TFAP2A: variants seen among roughly 807,000 people sequenced by gnomAD.
TFAP2A encodes transcription factor AP-2-alpha.
In TFAP2A, 7 loss-of-function variants were observed where a neutral mutation model predicts 41.5. The ratio of observed to expected loss-of-function variants is 0.17; its 90% CI spans 0.10 to 0.32. The LOEUF is 0.32. TFAP2A is among the 10% of genes least tolerant of loss of function. The pLI is 1.00. For missense variants in TFAP2A, 416 were observed against 563.3 expected (o/e 0.74, Z 2.65); for synonymous variants, 247 against 242.8 (o/e 1.02, Z -0.16).
intron 1 of TFAP2A, chr6:10,414,521 A>G (rs561422700): frequency 6.1e-5 from 20 of 329,346 alleles, no homozygotes; most frequent in East Asian, 5.3e-4. Flanking sequence ...TAAAGATCGG[A>G]GAGGAAGTTC....
At chr6:10,411,770 C>T in intron 1 of TFAP2A, 1 of 1,471,468 alleles carries the variant, frequency 6.8e-7, no homozygotes, top group Non-Finnish European at 9.0e-7. Context: ...CGGCTCGGAT[C>T]CATCCGAACT....
chr6:10,404,488 G>T lies in TFAP2A; in HGVS notation c.770+20C>A. The T allele has an allele frequency of 1.3e-6, 2 of 1,533,144 alleles. No homozygotes were observed. Among genetic ancestry groups the T allele is most frequent in the East Asian group, 5.0e-5 (2 of 39,716 alleles). The allele number at this position is 1,533,144 out of a possible 1,614,324, so 95.0% of individuals were successfully genotyped here. On this transcript the variant is annotated intron_variant, in intron 4 of 6. Coordinates refer to ENST00000379613, the MANE Select transcript of TFAP2A (RefSeq NM_001372066.1). ...CCCCCGGCCGCGGGGCGGGGCGGGC[G>T]GGGCCGTGCCGGGCCTCACCTCCGG...
chr6:10,398,629 G>A lies in TFAP2A; in HGVS notation c.1108C>T (p.Leu370=), dbSNP rs1189414319. The A allele has an allele frequency of 1.9e-6, 3 of 1,614,230 alleles. No homozygotes were observed. Among genetic ancestry groups the A allele is most frequent in the South Asian group, 1.1e-5 (1 of 91,084 alleles). The change falls in exon 7 of 7, where the codon CTG becomes TTG. Residue 370 remains leucine (L), a synonymous_variant. Transcript: ENST00000379613. This position sits in a 1 kb window ranked among gnomAD's most constrained non-coding sequence, Gnocchi z 5.3. ...PLGNSRPNPI[L]EPGIQSCLTH... is the part of the protein sequence containing the mutation. Reference sequence around the variant, plus strand: ...AAGCAGCTCTGGATGCCGGGCTCCAGGATGGGGTTGGGCCGTGAGTTCCCC... The same window carrying A: ...AAGCAGCTCTGGATGCCGGGCTCCAAGATGGGGTTGGGCCGTGAGTTCCCC...
chr6:10,408,641 T>C (rs1045516197), intron 2 of TFAP2A, among the ~76,000 whole-genome samples: 6 of 152,338 alleles, frequency 3.9e-5, no homozygotes, highest in Middle Eastern at 3.4e-3. Flanking sequence ...TATACAGACA[T>C]ACAGTGCTCA....
chr6:10,399,278 A>G (rs1048376302), intron 6 of TFAP2A, among the ~76,000 whole-genome samples: 2 of 152,210 alleles, frequency 1.3e-5, no homozygotes, highest in African/African-American at 4.8e-5. Flanking sequence ...AACAAGAATA[A>G]CAAAAAAACA....
At chr6:10,410,634 T>A (rs1581270306) in intron 1 of TFAP2A, among the ~76,000 whole-genome samples, 1 of 152,046 alleles carries the variant, frequency 6.6e-6, no homozygotes, top group Non-Finnish European at 1.5e-5. Flanking sequence ...CAGCGTGAAA[T>A]CTCTCTTAAG....
At chr6:10,402,036 G>C (rs567707965) in intron 5 of TFAP2A, 1 of 330,834 alleles carries the variant, frequency 3.0e-6, no homozygotes, top group Non-Finnish European at 5.9e-6. Flanking sequence ...GCATATGTTT[G>C]GAAAACAAAG....
chr6:10,409,848 G>A lies in TFAP2A; in HGVS notation c.486+53C>T, dbSNP rs555585592. The A allele has an allele frequency of 3.3e-6, 5 of 1,536,644 alleles. No individual in the cohort carries two copies. In the Admixed American group the frequency reaches 7.9e-5, roughly 24 times the overall value. Reference sequence around the variant, plus strand: ...GTATGTTCCAGGTATCCTTTCTGGGGTAGGTAAGTAGGGGGCTGTGTTCCC... The same window carrying A: ...GTATGTTCCAGGTATCCTTTCTGGGATAGGTAAGTAGGGGGCTGTGTTCCC... On this transcript the variant is annotated intron_variant, in intron 2 of 6. Coordinates refer to ENST00000379613, the MANE Select transcript of TFAP2A (RefSeq NM_001372066.1).
chr6:10,397,928 T>C lies in TFAP2A; in HGVS notation c.*489A>G, dbSNP rs920790273. On this transcript the variant is annotated 3_prime_UTR_variant, in exon 7 of 7. Transcript: ENST00000379613. ...TCATCTTTTGGCTTTTTTTTTTTTT[T>C]TAAGTATGGCTACAATCTGAACTGA... The C allele has an allele frequency of 3.0e-6, 3 of 984,992 alleles. No homozygotes were observed. In the African/African-American group the frequency reaches 5.3e-5, roughly 17 times the overall value. 61.0% of individuals were successfully genotyped at this position (984,992 alleles called of 1,614,324 possible).
intron 3 of TFAP2A, chr6:10,406,135 A>G (rs771469699): frequency 6.6e-6 from 1 of 152,420 alleles, no homozygotes; most frequent in Non-Finnish European, 1.5e-5. Context: ...AAGAGTGAAT[A>G]GCATTTAATT....
intron 6 of TFAP2A, 35 bp downstream of exon 6, chr6:10,400,413 G>C (rs201606941): frequency 3.7e-6 from 6 of 1,614,002 alleles, no homozygotes; most frequent in Admixed American, 1.7e-5. Context: ...TCTTGACAAC[G>C]AGACACAGAG....
intron 4 of TFAP2A, among the ~76,000 whole-genome samples, chr6:10,404,139 G>A (rs1434284947): frequency 2.0e-5 from 3 of 152,244 alleles, no homozygotes; most frequent in African/African-American, 7.2e-5. Context: ...GCGCGAAGAG[G>A]GAAAAGGTGG....
upstream of TFAP2A, chr6:10,415,918 G>T (rs1758224291): frequency 6.6e-6 from 1 of 152,188 alleles, no homozygotes; most frequent in African/African-American, 2.4e-5. Context: ...AATAAAAGTT[G>T]TACCCTGAAG....
chr6:10,410,366 C>A lies in TFAP2A; in HGVS notation c.52-31G>T, dbSNP rs773188032. Reference sequence around the variant, plus strand: ...AGAGAGCGAGAGGAAAGGTAAAGAACAAGGAATCAGGCGTCGAGCTACAAC... The same window carrying A: ...AGAGAGCGAGAGGAAAGGTAAAGAAAAAGGAATCAGGCGTCGAGCTACAAC... On this transcript the variant is annotated intron_variant, in intron 1 of 6. Coordinates refer to ENST00000379613, the MANE Select transcript of TFAP2A (RefSeq NM_001372066.1). 2.5e-6 allele frequency: 4 copies of A among 1,584,530 alleles called. No individual in the cohort carries two copies. In the African/African-American group the frequency reaches 5.4e-5, roughly 21 times the overall value.
intron 3 of TFAP2A, 58 bp downstream of exon 3, chr6:10,406,735 T>G (rs1421106123): frequency 1.4e-6 from 2 of 1,459,194 alleles, no homozygotes; most frequent in African/African-American, 2.8e-5. Flanking sequence ...CTGCAAGTTC[T>G]TTTAAATAGC....
rs1270082486 is a variant in TFAP2A, at chr6:10,410,204, G to A, written c.183C>T (p.Pro61=). 8.5e-7 allele frequency: 1 copy of A among 1,180,570 alleles called. No homozygotes were observed. The highest frequency in any genetic ancestry group is 1.2e-6 in the Non-Finnish European group (1 of 857,376). The allele number at this position is 1,180,570 out of a possible 1,614,324, so 73.1% of individuals were successfully genotyped here. Residue 61 remains proline (P), a synonymous_variant, in exon 2 of 7, where the codon CCC becomes CCT. Coordinates refer to ENST00000379613, the MANE Select transcript of TFAP2A (RefSeq NM_001372066.1). ...GGGGGTAGATAGGCTGGTAGGGTGG[G>A]GGGAAGTATGGGGGCTGGAAGTCGG... ...PNADFQPPYF[P]PPYQPIYPQS...
In TFAP2A at chr6:10,410,091, G is replaced by A. The variant is rs779455245; in HGVS notation, c.296C>T (p.Pro99Leu). Residue 99 changes from proline to leucine, a missense_variant, in exon 2 of 7, where the codon CCC becomes CTC. Pro to Leu is a moderately conservative substitution (Grantham distance 98). Coordinates refer to ENST00000379613, the MANE Select transcript of TFAP2A (RefSeq NM_001372066.1). ...AQPQPQHPGW[P>L]GQRQSQESGL... ...AGACTCCTGGCTCTGCCTCTGGCCG[G>A]GCCAGCCTGGGTGCTGCGGCTGCGG... 4.3e-5 allele frequency: 70 copies of A among 1,612,894 alleles called. No homozygotes were observed. Among genetic ancestry groups the A allele is most frequent in the Admixed American group, 8.3e-5 (5 of 59,970 alleles).
chr6:10,410,485 A>G (rs1285266166), intron 1 of TFAP2A, 150 bp from the exon 2 acceptor site: 2 of 742,460 alleles, frequency 2.7e-6, no homozygotes, highest in African/African-American at 3.5e-5. Flanking sequence ...AGTTCTTTTC[A>G]GGAAATACCC....
Position 10,408,333 on chromosome 6 carries a change from C to T in TFAP2A, c.487-1489G>A, listed in dbSNP as rs77271470. ...TCTTTTAGTTAGTTTCTCCTACTGACCAATTTTGCCACAAAGAGTGAGTAT... is the reference window on the plus strand; with the variant it reads ...TCTTTTAGTTAGTTTCTCCTACTGATCAATTTTGCCACAAAGAGTGAGTAT... On this transcript the variant is annotated intron_variant, in intron 2 of 6. Transcript: ENST00000379613. 9.9e-5 allele frequency among the ~76,000 whole-genome samples: 15 copies of T among 152,270 alleles called. No individual in the cohort carries two copies. The East Asian group carries it at 2.9e-3, about 29-fold the overall frequency.
Sources: gnomAD v4.1 joint callset for allele counts (sites outside exome capture counted in the v4.1 genomes callset) on GRCh38, gnomAD v4.1.1 for gene constraint, Gnocchi (gnomAD v3.1) non-coding constraint, MANE v1.5 for transcripts, NCBI Gene and HGNC (gene_info 2026-07-23, HGNC 2026-07-21) for gene names.